RBM33: variants seen among roughly 807,000 people sequenced by gnomAD.
The protein encoded by RBM33 is RNA-binding protein 33.
Under a neutral mutation model 132.6 loss-of-function variants are expected in RBM33, and 28 were observed. That is an observed-to-expected ratio of 0.21 (90% CI 0.16 to 0.29). The LOEUF is 0.29. Ranked by LOEUF, RBM33 falls within the 10% of genes least tolerant of loss-of-function variation. The pLI, the probability that RBM33 is intolerant of heterozygous loss-of-function variation, is 1.00. For missense variants in RBM33, 1,291 were observed against 1,518.5 expected, an observed-to-expected ratio of 0.85 and a Z score of 2.49; for synonymous variants, 634 against 593.0, an observed-to-expected ratio of 1.07 and a Z score of -1.01.
rs1426887068 is a variant in RBM33 at position 155,644,661 on chromosome 7, G to GGGCGCGGGCGCGCGGCC, written c.-215_-199dup. 1.5e-5 allele frequency: 6 copies of GGGCGCGGGCGCGCGGCC among 411,758 alleles called. No individual in the cohort carries two copies. The East Asian group carries it at 2.3e-4, about 15-fold the overall frequency. 25.5% of individuals were successfully genotyped at this position (411,758 alleles called of 1,614,324 possible). A position where few individuals can be genotyped will look rare whatever the true frequency, so the allele number is the denominator to read the frequency against. ...CCATCATCCCAGGGTGCACCGCGGC[G>GGGCGCGGGCGCGCGGCC]GGCGCGGGCGCGCGGCCATGTTGCG... On this transcript the variant is annotated 5_prime_UTR_variant, in exon 1 of 18. Coordinates refer to ENST00000401878, the MANE Select transcript of RBM33 (RefSeq NM_053043.3).
chr7:155,774,207 C>T lies in RBM33; in HGVS notation c.3376-352C>T, dbSNP rs1365609815. On this transcript the variant is annotated intron_variant, in intron 16 of 17. Coordinates refer to ENST00000401878, the MANE Select transcript of RBM33 (RefSeq NM_053043.3). The surrounding 1 kb of genome is among the most constrained non-coding windows in gnomAD (Gnocchi z 4.2). ...CATGGGGGTCCCTATTAAAAATCAC[C>T]TGATAAGAAGGCGTGAGAAGAGGAG... 6.6e-6 allele frequency among the ~76,000 whole-genome samples: 1 copy of T among 152,164 alleles called. No homozygotes were observed. Among genetic ancestry groups the T allele is most frequent in the Non-Finnish European group, 1.5e-5 (1 of 68,024 alleles).
intron 2 of RBM33, among the ~76,000 whole-genome samples, chr7:155,666,835 A>T (rs1798815233): frequency 6.6e-6 from 1 of 152,216 alleles, no homozygotes. Flanking sequence ...TTCCTTAAAA[A>T]ATAGTCTTTG....
At chr7:155,688,506 A>G (rs2116936001) in intron 5 of RBM33, among the ~76,000 whole-genome samples, 1 of 152,302 alleles carries the variant, frequency 6.6e-6, no homozygotes. Flanking sequence ...AGAATCTCAA[A>G]CACTGTGTTG....
At chr7:155,707,122 A>T (rs1225788434) in intron 7 of RBM33, 54 bp downstream of exon 7, 15 of 1,385,340 alleles carry the variant, frequency 1.1e-5, no homozygotes, top group Non-Finnish European at 1.5e-5. Flanking sequence ...AATGGCAGTA[A>T]GCTTTTGTGG....
chr7:155,759,503 C>T (rs1025778068), intron 14 of RBM33, among the ~76,000 whole-genome samples: 118 of 150,176 alleles, frequency 7.9e-4, no homozygotes, highest in South Asian at 3.6e-3. Context: ...CTGCAAGCTC[C>T]GCCTCCCGGG....
chr7:155,669,751 C>T (rs1194785733), intron 2 of RBM33, among the ~76,000 whole-genome samples: 3 of 152,204 alleles, frequency 2.0e-5, no homozygotes, highest in Non-Finnish European at 4.4e-5. Flanking sequence ...CCAGTTCCTG[C>T]CCCGGCCTTG....
intron 9 of RBM33, among the ~76,000 whole-genome samples, chr7:155,734,865 T>G (rs1228998761): frequency 6.6e-6 from 1 of 151,874 alleles, no homozygotes; most frequent in East Asian, 1.9e-4. Flanking sequence ...GTTGTTTCTT[T>G]TATTCCGTGT....
intron 1 of RBM33, among the ~76,000 whole-genome samples, chr7:155,660,216 G>A (rs144061423): frequency 6.6e-6 from 1 of 152,144 alleles, no homozygotes; most frequent in African/African-American, 2.4e-5. Context: ...TGAGACTACA[G>A]GTGTGCACCA....
intron 9 of RBM33, among the ~76,000 whole-genome samples, chr7:155,736,471 T>TA (rs1007452401): frequency 9.8e-5 from 15 of 152,354 alleles, no homozygotes; most frequent in African/African-American, 3.6e-4. Context: ...CCTAGGTCAA[T>TA]ACGGTGGTTT....
At chr7:155,771,180 G>A (rs142739849) in intron 16 of RBM33, among the ~76,000 whole-genome samples, 60 of 152,308 alleles carry the variant, frequency 3.9e-4, no homozygotes, top group African/African-American at 1.4e-3. Context: ...GTGAAGAAAA[G>A]TTTTAACTCT....
intron 15 of RBM33, among the ~76,000 whole-genome samples, chr7:155,766,215 G>A (rs571140724): frequency 2.0e-5 from 3 of 152,238 alleles, no homozygotes; most frequent in East Asian, 1.9e-4. Flanking sequence ...GAGCACAAGC[G>A]TGTGGCCCCT....
chr7:155,686,801 A>G (rs1460349365), intron 5 of RBM33, among the ~76,000 whole-genome samples: 1 of 152,176 alleles, frequency 6.6e-6, no homozygotes, highest in African/African-American at 2.4e-5. Flanking sequence ...CCTGCAAAAG[A>G]CATGAACTCA....
At chr7:155,763,373 C>T (rs1802099680) in intron 14 of RBM33, among the ~76,000 whole-genome samples, 1 of 152,210 alleles carries the variant, frequency 6.6e-6, no homozygotes, top group African/African-American at 2.4e-5. Flanking sequence ...GGCTCATTGC[C>T]TTCTTAGGGT....
At chr7:155,684,269 T>A (rs1326255666) in intron 5 of RBM33, among the ~76,000 whole-genome samples, 1 of 152,204 alleles carries the variant, frequency 6.6e-6, no homozygotes, top group African/African-American at 2.4e-5. Flanking sequence ...GCTGGGACCC[T>A]GGGAAGTCTA....
At chr7:155,664,257 G>GTA (rs1402169249) in intron 1 of RBM33, among the ~76,000 whole-genome samples, 1 of 105,076 alleles carries the variant, frequency 9.5e-6, no homozygotes, top group Non-Finnish European at 2.1e-5. Context: ...GTGTGTGTGT[G>GTA]TATATACATT....
intron 2 of RBM33, among the ~76,000 whole-genome samples, chr7:155,667,222 A>C (rs1453924321): frequency 6.6e-6 from 1 of 152,210 alleles, no homozygotes; most frequent in African/African-American, 2.4e-5. Context: ...AAAGTCAGGA[A>C]GTTTATCAGA....
intron 16 of RBM33, among the ~76,000 whole-genome samples, chr7:155,768,548 C>T (rs1802298402): frequency 6.6e-6 from 1 of 152,234 alleles, no homozygotes; most frequent in African/African-American, 2.4e-5. Context: ...GTGGTGTCTA[C>T]ACCAGGAGGA....
chr7:155,738,630 C>T (rs1409545171), intron 11 of RBM33: 1 of 557,204 alleles, frequency 1.8e-6, no homozygotes, highest in Non-Finnish European at 3.2e-6. Context: ...TTGAAAAATG[C>T]TACTTATTAT....
At chr7:155,694,572 G>A (rs1444807010) in intron 5 of RBM33, among the ~76,000 whole-genome samples, 2 of 152,192 alleles carry the variant, frequency 1.3e-5, no homozygotes, top group African/African-American at 4.8e-5. Flanking sequence ...CCATTACACA[G>A]AATGTTTTTG....
Sources: allele counts gnomAD v4.1 joint callset (sites outside exome capture counted in the v4.1 genomes callset), GRCh38; gene constraint gnomAD v4.1.1; non-coding constraint Gnocchi (gnomAD v3.1); transcripts MANE v1.5; gene names NCBI Gene and HGNC (gene_info 2026-07-23, HGNC 2026-07-21).